Variants in UNC5C observed in about 807,000 individuals in gnomAD.
UNC5C encodes netrin receptor UNC5C.
In UNC5C, 47 loss-of-function variants were observed where a neutral mutation model predicts 99.8. That is an observed-to-expected ratio of 0.47 (90% confidence interval 0.37 to 0.60). The LOEUF is 0.60. UNC5C is among the 20% of genes least tolerant of loss of function. UNC5C has a pLI of 0.00. For missense variants in UNC5C, 1,062 were observed against 1,165.9 expected (o/e 0.91, Z 1.30); for synonymous variants, 487 against 452.2 (o/e 1.08, Z -0.98).
intron 1 of UNC5C, among the ~76,000 whole-genome samples, chr4:95,545,268 C>T (rs1386173267): frequency 1.3e-5 from 2 of 152,168 alleles, no homozygotes; most frequent in Non-Finnish European, 2.9e-5. Context: ...ATTCCTAATT[C>T]TTTGCAAGTG....
At position 95,172,488 on chromosome 4, in the gene UNC5C, A is replaced by G. The variant is rs186159045; in HGVS notation, c.2452-2156T>C. On this transcript the variant is annotated intron_variant, in intron 14 of 15. Coordinates refer to ENST00000453304, the MANE Select transcript of UNC5C (RefSeq NM_003728.4). The stretch of plus-strand genomic sequence containing the variant: ...GGCAGTTTCCTCAGCACCATTTATT[A>G]AATAGGGAATCATTTCCCCATTGCT... Among the ~76,000 whole-genome samples the G allele has an allele frequency of 5.3e-5, 8 of 152,330 alleles. No homozygotes were observed. In the East Asian group the frequency reaches 1.4e-3, roughly 26 times the overall value.
chr4:95,216,084 G>T, intron 10 of UNC5C, 40 bp downstream of exon 10: 2 of 1,546,244 alleles, frequency 1.3e-6, no homozygotes, highest in South Asian at 2.3e-5. Context: ...CTCCAAGTTA[G>T]ACATTGGTAA....
intron 1 of UNC5C, among the ~76,000 whole-genome samples, chr4:95,449,819 GT>G (rs776744371): frequency 6.6e-6 from 1 of 152,152 alleles, no homozygotes; most frequent in Non-Finnish European, 1.5e-5. Flanking sequence ...AGTCATTTAA[GT>G]TTTAGTCTTA....
rs1427830371 is a variant in UNC5C, at chr4:95,250,521, C to T, written c.741G>A (p.Lys247=). Residue 247 remains lysine (K), a synonymous_variant, in exon 5 of 16, where the codon AAG becomes AAA. Coordinates refer to ENST00000453304, the MANE Select transcript of UNC5C (RefSeq NM_003728.4). ...TGACAGTGGCAGTTGTACTTTTCCT[C>T]TTGGCAACAATGTTTTTGGCAACAC... ...YTCVAKNIVA[K]RKSTTATVIV... 6.2e-7 allele frequency: 1 copy of T among 1,613,952 alleles called. No individual in the cohort carries two copies. Among genetic ancestry groups the T allele is most frequent in the African/African-American group, 1.3e-5 (1 of 75,014 alleles).
intron 1 of UNC5C, among the ~76,000 whole-genome samples, chr4:95,395,854 G>A (rs1745495294): frequency 6.6e-6 from 1 of 152,248 alleles, no homozygotes; most frequent in Non-Finnish European, 1.5e-5. Flanking sequence ...CCAAGCATGG[G>A]GCCCTTCTAA....
At chr4:95,175,314 A>C (rs911101054) in intron 14 of UNC5C, among the ~76,000 whole-genome samples, 21 of 152,100 alleles carry the variant, frequency 1.4e-4, no homozygotes, top group African/African-American at 4.3e-4. Context: ...TTTGCTCGTT[A>C]GTTGATGCAG....
chr4:95,312,316 T>C (rs1742306053), intron 2 of UNC5C, among the ~76,000 whole-genome samples: 1 of 152,228 alleles, frequency 6.6e-6, no homozygotes. Context: ...CTATGCATTC[T>C]GTATCCATCA....
At chr4:95,339,877 TTAAC>T (rs2149423217) in intron 1 of UNC5C, among the ~76,000 whole-genome samples, 1 of 140,942 alleles carries the variant, frequency 7.1e-6, no homozygotes, top group Admixed American at 6.8e-5. Flanking sequence ...CAGTATTAAC[TTAAC>T]GCATTTTTGA....
At chr4:95,265,045 G>A (rs1386622242) in intron 4 of UNC5C, among the ~76,000 whole-genome samples, 1 of 152,022 alleles carries the variant, frequency 6.6e-6, no homozygotes, top group East Asian at 1.9e-4. Context: ...GATGCCTGGG[G>A]CCCCACCTTC....
chr4:95,439,447 G>A (rs1054025027), intron 1 of UNC5C, among the ~76,000 whole-genome samples: 3 of 149,860 alleles, frequency 2.0e-5, no homozygotes, highest in African/African-American at 7.4e-5. Flanking sequence ...TTAACACAAA[G>A]CACAAGCATC....
chr4:95,277,470 T>C (rs185601780), intron 4 of UNC5C, among the ~76,000 whole-genome samples: 1 of 152,324 alleles, frequency 6.6e-6, no homozygotes, highest in Admixed American at 6.5e-5. Flanking sequence ...AACCTGTTTT[T>C]AGAGTTTAGG....
chr4:95,462,338 C>T (rs1747628912), intron 1 of UNC5C, among the ~76,000 whole-genome samples: 1 of 152,140 alleles, frequency 6.6e-6, no homozygotes, highest in Non-Finnish European at 1.5e-5. Context: ...GGAATTTATA[C>T]TAACAAATTC....
intron 7 of UNC5C, among the ~76,000 whole-genome samples, chr4:95,224,775 G>T (rs951633132): frequency 6.6e-6 from 1 of 151,506 alleles, no homozygotes; most frequent in Non-Finnish European, 1.5e-5. Flanking sequence ...TAGTAAAAAA[G>T]TTCTTTTAAA....
chr4:95,205,907 G>A (rs1032914601), intron 11 of UNC5C, among the ~76,000 whole-genome samples: 1 of 151,930 alleles, frequency 6.6e-6, no homozygotes, highest in Non-Finnish European at 1.5e-5. Flanking sequence ...CACAAGAACT[G>A]TATCCCAGGT....
chr4:95,458,682 G>A (rs1304021291), intron 1 of UNC5C, among the ~76,000 whole-genome samples: 2 of 151,888 alleles, frequency 1.3e-5, no homozygotes, highest in African/African-American at 4.8e-5. Flanking sequence ...CAGGTAATAG[G>A]TACTTATGAA....
intron 1 of UNC5C, among the ~76,000 whole-genome samples, chr4:95,477,778 T>C (rs1720988122): frequency 6.6e-6 from 1 of 151,988 alleles, no homozygotes; most frequent in African/African-American, 2.4e-5. Context: ...CACAGATGCC[T>C]TTAGTTGTTG....
chr4:95,288,065 T>TATTTATTTATTTA (rs1304768255), intron 3 of UNC5C, among the ~76,000 whole-genome samples: 4 of 148,892 alleles, frequency 2.7e-5, no homozygotes, highest in Non-Finnish European at 5.9e-5. Context: ...CTTTACAGAT[T>TATTTATTTATTTA]ATTTATTTAT....
chr4:95,391,989 C>T (rs943604234), intron 1 of UNC5C, among the ~76,000 whole-genome samples: 1 of 152,160 alleles, frequency 6.6e-6, no homozygotes, highest in East Asian at 1.9e-4. Context: ...CCCCAGACGT[C>T]GAGGCTGCAG....
At chr4:95,270,527 T>C (rs574530280) in intron 4 of UNC5C, among the ~76,000 whole-genome samples, 1 of 152,376 alleles carries the variant, frequency 6.6e-6, no homozygotes, top group South Asian at 2.1e-4. Context: ...AAAGGGAATT[T>C]GTTTTCCTGC....
Sources: gnomAD v4.1 joint callset for allele counts (sites outside exome capture counted in the v4.1 genomes callset) on GRCh38, gnomAD v4.1.1 for gene constraint, MANE v1.5 for transcripts, NCBI Gene and HGNC (gene_info 2026-07-23, HGNC 2026-07-21) for gene names.